TP53BP1: variants seen among roughly 807,000 people sequenced by gnomAD.
The protein encoded by TP53BP1 is tumor protein p53 binding protein 1.
TP53BP1 carries 61 observed loss-of-function variants against 200.8 expected under a neutral mutation model. That is an observed-to-expected ratio of 0.30 (90% CI 0.25 to 0.38). The LOEUF (loss-of-function observed/expected upper bound fraction) is 0.38. TP53BP1 is among the 10% of genes least tolerant of loss of function. The probability of loss-of-function intolerance (pLI) is 1.00; values close to 1 mark genes in which losing one functional copy is unlikely to be tolerated. For synonymous variants in TP53BP1, 822 were observed against 844.3 expected, an observed-to-expected ratio of 0.97 and a Z score of 0.46; for missense variants, 2,144 against 2,371.9, an observed-to-expected ratio of 0.90 and a Z score of 2.00.
At chr15:43,449,852 C>T (rs1027578289) in intron 12 of TP53BP1, among the ~76,000 whole-genome samples, 1 of 152,184 alleles carries the variant, frequency 6.6e-6, no homozygotes, top group Non-Finnish European at 1.5e-5. Flanking sequence ...TAATTATTCA[C>T]GTTCATAAAG....
Position 43,407,566 on chromosome 15 carries a change from A to G in TP53BP1, c.5751T>C (p.Ile1917=), listed in dbSNP as rs1343837129. The change falls in exon 28 of 28, where the codon ATT becomes ATC. Residue 1917 remains isoleucine (I), a synonymous_variant. Coordinates refer to ENST00000382044, the MANE Select transcript of TP53BP1 (RefSeq NM_001141980.3). The part of the protein sequence containing the change: ...QHHSSAHNKD[I]ALGVFDVVVT... ...CCACCACATCAAATACCCCTAAAGC[A>G]ATATCTGCAAGGAGCAAGGGAAAGT... 1.2e-6 allele frequency: 2 copies of G among 1,610,014 alleles called. No homozygotes were observed. Among genetic ancestry groups the G allele is most frequent in the South Asian group, 1.1e-5 (1 of 90,762 alleles).
At chr15:43,466,594 T>C (rs1166388533) in intron 11 of TP53BP1, among the ~76,000 whole-genome samples, 4 of 152,174 alleles carry the variant, frequency 2.6e-5, no homozygotes, top group Admixed American at 6.5e-5. Flanking sequence ...AGCTCACATC[T>C]GTATGTAATC....
intron 4 of TP53BP1, among the ~76,000 whole-genome samples, chr15:43,488,505 C>T (rs953458632): frequency 6.6e-6 from 1 of 152,056 alleles, no homozygotes; most frequent in Non-Finnish European, 1.5e-5. Context: ...GTGGTGAAGA[C>T]ACAAACCTAC....
chr15:43,480,132 A>AC, intron 5 of TP53BP1, 115 bp from the exon 6 acceptor site: 1 of 911,600 alleles, frequency 1.1e-6, no homozygotes, highest in Admixed American at 2.8e-5. Flanking sequence ...AGCCCTGTGC[A>AC]CCCCCCAAAT....
chr15:43,470,651 A>G lies in TP53BP1; in HGVS notation c.1181-585T>C, dbSNP rs115652160. On this transcript the variant is annotated intron_variant, in intron 10 of 27. Transcript: ENST00000382044. Reference sequence around the variant, plus strand: ...AGAAAGAGAAGACACTAATCCTGACACACATTAGGAGGGAACACACACACA... The same window carrying G: ...AGAAAGAGAAGACACTAATCCTGACGCACATTAGGAGGGAACACACACACA... Among the ~76,000 whole-genome samples, 153 of 152,332 alleles carry G rather than the reference A, an allele frequency of 1.0e-3. 2 individuals are homozygous for G. Among genetic ancestry groups the G allele is most frequent in the African/African-American group, 3.4e-3 (143 of 41,562 alleles).
chr15:43,407,957 C>T lies in TP53BP1; in HGVS notation c.5732G>A (p.Ser1911Asn). 6.2e-7 allele frequency: 1 copy of T among 1,613,056 alleles called. No homozygotes were observed. The highest frequency in any genetic ancestry group is 1.1e-5 in the South Asian group (1 of 91,016). ...CTTTCAGGTACCTTTGTTATGGGCA[C>T]TTGAATGGTGCTGCTTCACAGAGGC... ...GAASVKQHHS[S>N]AHNKDIALGV... Residue 1911 changes from serine to asparagine, a missense_variant, in exon 27 of 28, where the codon AGT (serine) becomes AAT (asparagine). Ser to Asn is a conservative substitution (Grantham distance 46). Around this residue, in one of 4 missense-constraint regions of TP53BP1, gnomAD observed 334 missense variants for 453.4 expected, o/e 0.74. Coordinates refer to ENST00000382044, the MANE Select transcript of TP53BP1 (RefSeq NM_001141980.3).
At chr15:43,452,624 TAAA>T (rs1319141613) in intron 12 of TP53BP1, among the ~76,000 whole-genome samples, 1 of 131,066 alleles carries the variant, frequency 7.6e-6, no homozygotes, top group African/African-American at 4.2e-5. Context: ...AATTTGTAGT[TAAA>T]ATTATTTTTA....
intron 18 of TP53BP1, among the ~76,000 whole-genome samples, chr15:43,423,265 T>G (rs2045448020): frequency 6.6e-6 from 1 of 151,342 alleles, no homozygotes; most frequent in Non-Finnish European, 1.5e-5. Context: ...GTATGACACA[T>G]CTGCCTTCCT....
rs2045848357 is a variant in TP53BP1 at position 43,438,336 on chromosome 15, G to A, written c.3179C>T (p.Thr1060Ile). 1 of 1,613,694 alleles carries A rather than the reference G, an allele frequency of 6.2e-7. No individual in the cohort carries two copies. Among genetic ancestry groups the A allele is most frequent in the East Asian group, 2.2e-5 (1 of 44,864 alleles). Residue 1060 changes from threonine (T) to isoleucine (I), a missense_variant, in exon 16 of 28, where the codon ACC (threonine) becomes ATC (isoleucine). Thr to Ile is a moderately conservative substitution (Grantham distance 89). Transcript: ENST00000382044. ...AAATAATGCTTACCTGATGGGTGTG[G>A]TGGGGGGATCCTCACTTCGAGCCTC... ...ENEARSEDPP[T>I]TPIRGNLLHF...
chr15:43,457,278 C>T (rs2046323437), intron 11 of TP53BP1, 60 bp from the exon 12 acceptor site: 13 of 1,363,822 alleles, frequency 9.5e-6, no homozygotes, highest in South Asian at 8.1e-5. Context: ...TCTTTTATAT[C>T]GAATCCTTGG....
chr15:43,445,882 C>G (rs553318508), intron 14 of TP53BP1, among the ~76,000 whole-genome samples: 1 of 152,262 alleles, frequency 6.6e-6, no homozygotes, highest in South Asian at 2.1e-4. Flanking sequence ...CACAAAAGCA[C>G]AAGGTTTTGA....
At position 43,456,869 on chromosome 15, in the gene TP53BP1, C is replaced by A; in HGVS notation, c.1739G>T (p.Gly580Val). 6.2e-7 allele frequency: 1 copy of A among 1,613,988 alleles called. No individual in the cohort carries two copies. Among genetic ancestry groups the A allele is most frequent in the Non-Finnish European group, 8.5e-7 (1 of 1,180,040 alleles). Residue 580 changes from glycine (G) to valine (V), a missense_variant, in exon 12 of 28, where the codon GGT (glycine) becomes GTT (valine). By Grantham distance (109) the Gly-to-Val change is moderately radical. Around this residue, in one of 4 missense-constraint regions of TP53BP1, gnomAD observed 1,700 missense variants for 1,710.3 expected, o/e 0.99. Transcript: ENST00000382044. ...ATCATTCTGACTCAGTTGTACTTCA[C>A]CATCCTGTGCTGGATTCATCAGGAT... ...DSILMNPAQD[G>V]EVQLSQNDDK...
At chr15:43,473,229 G>C (rs1389032479) in intron 10 of TP53BP1, among the ~76,000 whole-genome samples, 2 of 152,082 alleles carry the variant, frequency 1.3e-5, no homozygotes, top group African/African-American at 4.8e-5. Flanking sequence ...AAAGAACAAA[G>C]CTTCCACACT....
At position 43,450,860 on chromosome 15, in the gene TP53BP1, T is replaced by A. The variant is rs1000884420; in HGVS notation, c.2717-3375A>T. 2.0e-5 allele frequency among the ~76,000 whole-genome samples: 3 copies of A among 152,266 alleles called. No individual in the cohort carries two copies. The South Asian group carries it at 6.2e-4, about 32-fold the overall frequency. On this transcript the variant is annotated intron_variant, in intron 12 of 27. Transcript: ENST00000382044. ...TGTATTGTTTGAATGTTTTTCAAAA[T>A]TAAGCATGCATTATTTATTTACTTA...
chr15:43,429,498 G>C (rs1322954308), intron 17 of TP53BP1, among the ~76,000 whole-genome samples: 1 of 152,082 alleles, frequency 6.6e-6, no homozygotes, highest in East Asian at 1.9e-4. Flanking sequence ...AAGTAGCCAA[G>C]TCTTTAAAAA....
rs2045581723 is a variant in TP53BP1, at chr15:43,427,921, C to A, written c.3828+95G>T. 8.2e-6 allele frequency: 7 copies of A among 855,140 alleles called. No individual in the cohort carries two copies. In the South Asian group the frequency reaches 1.4e-4, roughly 17 times the overall value. The allele number at this position is 855,140 out of a possible 1,614,324, so 53.0% of individuals were successfully genotyped here. The stretch of plus-strand genomic sequence containing the variant: ...GCAGTGAAACAAAATCACGCAACTG[C>A]ATTCCAGCCTAGGTAACAAAGTAAG... On this transcript the variant is annotated intron_variant, in intron 18 of 27. Transcript: ENST00000382044.
chr15:43,419,467 C>T (rs1467553311), intron 21 of TP53BP1, among the ~76,000 whole-genome samples: 9 of 151,412 alleles, frequency 5.9e-5, no homozygotes, highest in Admixed American at 2.0e-4. Context: ...TTAAGCAATC[C>T]GCCTGCCTCA....
intron 14 of TP53BP1, among the ~76,000 whole-genome samples, chr15:43,444,020 A>T (rs2045987861): frequency 6.6e-6 from 1 of 152,152 alleles, no homozygotes; most frequent in Admixed American, 6.5e-5. Context: ...CTAGGAGTAA[A>T]CTACTTTGTC....
At chr15:43,469,771 G>C in intron 11 of TP53BP1, 87 bp downstream of exon 11, 2 of 1,092,252 alleles carry the variant, frequency 1.8e-6, no homozygotes, top group Non-Finnish European at 2.7e-6. Context: ...TTTAAAACGT[G>C]TGAATTTTAT....
Sources: allele counts gnomAD v4.1 joint callset (sites outside exome capture counted in the v4.1 genomes callset), GRCh38; gene constraint gnomAD v4.1.1; regional missense constraint gnomAD v4.1.1; transcripts MANE v1.5; gene names NCBI Gene and HGNC (gene_info 2026-07-23, HGNC 2026-07-21).